The following DMD variants were observed in gnomAD, a reference collection of about 807,000 sequenced individuals.
DMD encodes dystrophin.
A neutral mutation model predicts 330.1 loss-of-function variants in DMD; 63 were observed. The ratio of observed to expected loss-of-function variants is 0.19; its 90% CI spans 0.16 to 0.24. The LOEUF (loss-of-function observed/expected upper bound fraction) is 0.24, where lower values mean the gene tolerates loss of function less well. Ranked by LOEUF, DMD falls within the 10% of genes least tolerant of loss-of-function variation. The probability of loss-of-function intolerance (pLI) is 1.00; values close to 1 mark genes in which losing one functional copy is unlikely to be tolerated. For synonymous variants in DMD, 1,223 were observed against 959.8 expected (o/e 1.27, Z -5.07); for missense variants, 3,344 against 2,684.1 (o/e 1.25, Z -5.43).
chrX:33,305,264 G>A (rs1310884115), intron 1 of DMD, among the ~76,000 whole-genome samples: 3 of 106,702 alleles, frequency 2.8e-5, no homozygotes, highest in Non-Finnish European at 5.8e-5. Flanking sequence ...CATGTCCTTT[G>A]TAGGGACATG....
chrX:33,132,279 G>T (rs2095503927), intron 1 of DMD, among the ~76,000 whole-genome samples: 1 of 111,767 alleles, frequency 8.9e-6, no homozygotes, highest in Admixed American at 9.5e-5. Flanking sequence ...AAACTCTTTT[G>T]GATATCTCCC....
chrX:31,209,584 G>A lies in DMD; in HGVS notation c.9477C>T (p.Asp3159=). Residue 3159 remains aspartate, a synonymous_variant, in exon 65 of 79, where the codon GAC becomes GAT. Transcript: ENST00000357033. ...QIINCLTTIY[D]RLEQEHNNLV... is the part of the protein sequence containing the mutation. ...AATTGTTGTGCTCTTGCTCCAGGCGGTCATAAATAGTGGTCAAACAATTAA... is the reference window on the plus strand; with the variant it reads ...AATTGTTGTGCTCTTGCTCCAGGCGATCATAAATAGTGGTCAAACAATTAA... 8.3e-7 allele frequency: 1 copy of A among 1,211,204 alleles called. No homozygotes were observed. The highest frequency in any genetic ancestry group is 1.8e-5 in the South Asian group (1 of 56,945).
At chrX:31,321,831 G>A (rs1360349881) in intron 62 of DMD, among the ~76,000 whole-genome samples, 1 of 110,979 alleles carries the variant, frequency 9.0e-6, no homozygotes, top group Non-Finnish European at 1.9e-5. Context: ...GAAACAGCAA[G>A]AGACTAATAC....
intron 17 of DMD, among the ~76,000 whole-genome samples, chrX:32,534,241 C>A (rs1010992716): frequency 8.9e-6 from 1 of 111,782 alleles, no homozygotes; most frequent in Non-Finnish European, 1.9e-5. Flanking sequence ...TTGTAGACAG[C>A]CTCTGGTATA....
intron 43 of DMD, among the ~76,000 whole-genome samples, chrX:32,269,646 T>A (rs1374114153): frequency 9.0e-6 from 1 of 111,725 alleles, no homozygotes; most frequent in Non-Finnish European, 1.9e-5. Context: ...CGGCTCACCA[T>A]CACAATATGA....
chrX:32,165,010 A>C (rs2096863056), intron 44 of DMD, among the ~76,000 whole-genome samples: 1 of 112,464 alleles, frequency 8.9e-6, no homozygotes, highest in Non-Finnish European at 1.9e-5. Context: ...ATTTCAGAGG[A>C]TGTATGGAAA....
At chrX:31,745,960 T>C (rs57482751) in intron 51 of DMD, among the ~76,000 whole-genome samples, 11,832 of 111,258 alleles carry the variant, frequency 0.11, 493 homozygotes, top group Non-Finnish European at 0.13. Flanking sequence ...CCTTAATACG[T>C]ATTGCTGCAC....
At chrX:31,597,818 T>C (rs2148184445) in intron 55 of DMD, among the ~76,000 whole-genome samples, 1 of 111,962 alleles carries the variant, frequency 8.9e-6, no homozygotes, top group South Asian at 3.7e-4. Context: ...GGTACTGTCA[T>C]GAAAGATGAT....
chrX:31,226,688 C>T (rs1228096177), intron 63 of DMD, among the ~76,000 whole-genome samples: 2 of 111,070 alleles, frequency 1.8e-5, no homozygotes, highest in Non-Finnish European at 3.8e-5. Context: ...AATTGTCTTG[C>T]GGCATCAATC....
chrX:31,169,542 A>G lies in DMD; in HGVS notation c.10454T>C (p.Leu3485Pro). The G allele has an allele frequency of 8.3e-7, 1 of 1,204,852 alleles. No homozygotes were observed. Among genetic ancestry groups the G allele is most frequent in the Non-Finnish European group, 1.1e-6 (1 of 890,387 alleles). The change falls in exon 74 of 79, where the codon CTG (leucine) becomes CCG (proline). Residue 3485 changes from leucine (L) to proline (P), a missense_variant. Transcript: ENST00000357033. ...CTGGGCAGGACTACGAGGCTGGCTCAGGGGGGAGTCCTGGTTCAAACTTTG... is the reference window on the plus strand; with the variant it reads ...CTGGGCAGGACTACGAGGCTGGCTCGGGGGGGAGTCCTGGTTCAAACTTTG... ...YCQSLNQDSP[L>P]SQPRSPAQIL...
At chrX:32,007,558 C>T (rs970661247) in intron 44 of DMD, among the ~76,000 whole-genome samples, 43 of 110,985 alleles carry the variant, frequency 3.9e-4, no homozygotes, top group African/African-American at 1.3e-3. Context: ...CAAGTGCATA[C>T]GAAATTTGGT....
chrX:31,896,492 T>A (rs1381971756), intron 47 of DMD, among the ~76,000 whole-genome samples: 2 of 112,069 alleles, frequency 1.8e-5, no homozygotes, highest in African/African-American at 6.5e-5. Flanking sequence ...TTATCTGTCA[T>A]CTTTTTAAAA....
At chrX:31,780,347 T>A (rs2090946381) in intron 50 of DMD, among the ~76,000 whole-genome samples, 2 of 112,340 alleles carry the variant, frequency 1.8e-5, no homozygotes, top group South Asian at 3.7e-4. Context: ...AATAAGTTAT[T>A]GGGCTCACAT....
intron 7 of DMD, among the ~76,000 whole-genome samples, chrX:32,726,671 G>C (rs2066918586): frequency 9.1e-6 from 1 of 110,488 alleles, no homozygotes; most frequent in Non-Finnish European, 1.9e-5. Context: ...GGACTGCATG[G>C]GTTTATAAAT....
chrX:33,246,589 T>C (rs981962465), intron 1 of DMD, among the ~76,000 whole-genome samples: 21 of 112,251 alleles, frequency 1.9e-4, no homozygotes, highest in African/African-American at 6.8e-4. Context: ...TGTCTATAAG[T>C]AGCCATTTAA....
chrX:32,378,460 A>T (rs1429349857), intron 34 of DMD, among the ~76,000 whole-genome samples: 1 of 110,222 alleles, frequency 9.1e-6, no homozygotes, highest in African/African-American at 3.3e-5. Context: ...ATACTATTTA[A>T]CTATAGTCAA....
At chrX:32,465,885 GTT>G (rs1402697323) in intron 23 of DMD, among the ~76,000 whole-genome samples, 1 of 111,082 alleles carries the variant, frequency 9.0e-6, no homozygotes, top group African/African-American at 3.3e-5. Context: ...CGCCTGGGCT[GTT>G]CAGGTCTCAT....
rs946715216 is a variant in DMD at position 32,778,751 on chromosome X, T to C, written c.649+30742A>G. On this transcript the variant is annotated intron_variant, in intron 7 of 78. Coordinates refer to ENST00000357033, the MANE Select transcript of DMD (RefSeq NM_004006.3). ...CAAATTATATCACTCAGGCCTACTC[T>C]TGTGCCTCTTTCATTTTTAAGCATT... Among the ~76,000 whole-genome samples, 3 of 111,668 alleles carry C rather than the reference T, an allele frequency of 2.7e-5. No homozygotes were observed. In the Admixed American group the frequency reaches 2.9e-4, roughly 11 times the overall value.
At chrX:32,428,277 T>A (rs895066195) in intron 29 of DMD, among the ~76,000 whole-genome samples, 2 of 112,056 alleles carry the variant, frequency 1.8e-5, no homozygotes, top group Non-Finnish European at 3.8e-5. Context: ...TCATCTTTGA[T>A]CCACAAATTA....
Sources: allele counts gnomAD v4.1 joint callset (sites outside exome capture counted in the v4.1 genomes callset), GRCh38; gene constraint gnomAD v4.1.1; transcripts MANE v1.5; gene names NCBI Gene and HGNC (gene_info 2026-07-23, HGNC 2026-07-21).